The following LINGO2 variants were observed in gnomAD, a reference collection of about 807,000 sequenced individuals.
The protein encoded by LINGO2 is leucine rich repeat and Ig domain containing 2, also known as leucine-rich repeat and immunoglobulin-like domain-containing nogo receptor-interacting protein 2.
A neutral mutation model predicts 30.6 loss-of-function variants in LINGO2; 14 were observed. The observed-to-expected ratio is 0.46, with a 90% CI of 0.30 to 0.72. The LOEUF is 0.72. Ranked by LOEUF, LINGO2 falls within the 30% of genes least tolerant of loss-of-function variation. The pLI is 0.07. For synonymous variants in LINGO2, 317 were observed against 288.5 expected (o/e 1.10, Z -1.00); for missense variants, 729 against 751.7 (o/e 0.97, Z 0.35).
intron 1 of LINGO2, among the ~76,000 whole-genome samples, chr9:28,493,883 C>T (rs1819476130): frequency 6.6e-6 from 1 of 152,134 alleles, no homozygotes. Context: ...TGGAAGCTTC[C>T]TGCCATCGAA....
At chr9:28,867,340 T>C in the LINGO2 span, among the ~76,000 whole-genome samples, 2 of 152,094 alleles carry the variant, frequency 1.3e-5, no homozygotes, top group Non-Finnish European at 2.9e-5. Context: ...CTCCCTTTTC[T>C]CATAAAATCT....
At chr9:28,005,216 C>T (rs1822202569) in intron 5 of LINGO2, among the ~76,000 whole-genome samples, 1 of 152,114 alleles carries the variant, frequency 6.6e-6, no homozygotes, top group African/African-American at 2.4e-5. Flanking sequence ...TGGTCCTCAG[C>T]CAAATAATCA....
the LINGO2 span, among the ~76,000 whole-genome samples, chr9:28,980,926 T>C: frequency 6.6e-6 from 1 of 152,126 alleles, no homozygotes; most frequent in African/African-American, 2.4e-5. Context: ...CCTAGGTTTG[T>C]GCCTGGCATA....
the LINGO2 span, among the ~76,000 whole-genome samples, chr9:29,105,789 G>A: frequency 6.6e-6 from 1 of 152,270 alleles, no homozygotes; most frequent in South Asian, 2.1e-4. Flanking sequence ...AGGATGCCAT[G>A]TGGCTGGTCC....
intron 4 of LINGO2, among the ~76,000 whole-genome samples, chr9:28,124,498 C>G (rs1326043169): frequency 6.6e-6 from 1 of 152,150 alleles, no homozygotes; most frequent in East Asian, 1.9e-4. Flanking sequence ...TCTGTACACT[C>G]CTATTAAAGC....
chr9:28,392,063 C>T (rs1199915534), intron 2 of LINGO2, among the ~76,000 whole-genome samples: 9 of 152,034 alleles, frequency 5.9e-5, no homozygotes, highest in Admixed American at 3.9e-4. Context: ...ATTAGCGGGG[C>T]GTGATGGCAC....
At chr9:28,489,012 T>C (rs1320688564) in intron 1 of LINGO2, among the ~76,000 whole-genome samples, 1 of 152,218 alleles carries the variant, frequency 6.6e-6, no homozygotes, top group Admixed American at 6.5e-5. Context: ...GCCAATGCTA[T>C]TGAGACCGAG....
In LINGO2 at chr9:27,987,802, A is replaced by AAT. The variant is rs903366537; in HGVS notation, c.-36+24551_-36+24552dup. Among the ~76,000 whole-genome samples, 29 of 151,900 alleles carry AAT rather than the reference A, an allele frequency of 1.9e-4. 1 individual carries two copies. In the East Asian group the frequency reaches 2.1e-3, roughly 11 times the overall value. ...ACCCAGATTCATTTATGACTCTTTA[A>AAT]ATATATATATACACACACACAAAAT... On this transcript the variant is annotated intron_variant, in intron 5 of 5. Coordinates refer to ENST00000379992, the Ensembl canonical transcript of LINGO2.
chr9:28,764,201 C>T, the LINGO2 span, among the ~76,000 whole-genome samples: 6 of 150,874 alleles, frequency 4.0e-5, no homozygotes, highest in Admixed American at 4.0e-4. Context: ...GATATCAAAG[C>T]CAGAAATGAA....
the LINGO2 span, among the ~76,000 whole-genome samples, chr9:28,951,227 T>G: frequency 1.7e-4 from 26 of 152,244 alleles, no homozygotes; most frequent in East Asian, 5.0e-3. Context: ...TTACACCTTC[T>G]GCAAAAATTA....
chr9:28,111,875 T>C (rs17771324), intron 4 of LINGO2, among the ~76,000 whole-genome samples: 23,610 of 152,052 alleles, frequency 0.16, 1,994 homozygotes, highest in East Asian at 0.28. Context: ...TCAAACCATA[T>C]CTTAGATGAT....
the LINGO2 span, among the ~76,000 whole-genome samples, chr9:28,839,628 C>G: frequency 6.6e-6 from 1 of 152,102 alleles, no homozygotes; most frequent in African/African-American, 2.4e-5. Flanking sequence ...CCCAGTCTAG[C>G]TGAGTCCAGG....
intron 1 of LINGO2, among the ~76,000 whole-genome samples, chr9:28,516,853 G>C (rs1820638278): frequency 6.6e-6 from 1 of 152,116 alleles, no homozygotes; most frequent in South Asian, 2.1e-4. Flanking sequence ...CAGACTCTAT[G>C]AGATATCTGA....
At chr9:29,012,808 T>A in the LINGO2 span, among the ~76,000 whole-genome samples, 1 of 152,164 alleles carries the variant, frequency 6.6e-6, no homozygotes, top group Non-Finnish European at 1.5e-5. Flanking sequence ...CCTGAAGTAA[T>A]CTTTTGTTAG....
chr9:28,068,490 T>C (rs568226708), intron 4 of LINGO2, among the ~76,000 whole-genome samples: 12 of 152,234 alleles, frequency 7.9e-5, no homozygotes, highest in African/African-American at 1.2e-4. Context: ...TACCATTACA[T>C]TGGGGGTAGA....
At chr9:29,093,057 GGA>G in the LINGO2 span, among the ~76,000 whole-genome samples, 3 of 99,334 alleles carry the variant, frequency 3.0e-5, no homozygotes, top group Non-Finnish European at 6.0e-5. Context: ...ATATATATAT[GGA>G]GAGAGAGAGA....
the LINGO2 span, among the ~76,000 whole-genome samples, chr9:29,039,784 A>G: frequency 6.6e-6 from 1 of 152,256 alleles, no homozygotes; most frequent in African/African-American, 2.4e-5. Context: ...TGAGGTGCCC[A>G]CCACTGATCC....
chr9:28,836,468 C>T, the LINGO2 span, among the ~76,000 whole-genome samples: 31 of 152,114 alleles, frequency 2.0e-4, no homozygotes, highest in Middle Eastern at 0.02. Context: ...GCATGCACCA[C>T]CACACCCAGC....
intron 4 of LINGO2, among the ~76,000 whole-genome samples, chr9:28,271,850 A>C (rs139580768): frequency 2.0e-5 from 3 of 152,322 alleles, no homozygotes; most frequent in African/African-American, 7.2e-5. Flanking sequence ...TGACCTAGGA[A>C]TTTGTTAGAA....
Sources: allele counts gnomAD v4.1 joint callset (sites outside exome capture counted in the v4.1 genomes callset), GRCh38; gene constraint gnomAD v4.1.1; transcripts MANE v1.5; gene names NCBI Gene and HGNC (gene_info 2026-07-23, HGNC 2026-07-21).